Variants in NEDD4 observed in about 807,000 individuals in gnomAD.
The protein encoded by NEDD4 is E3 ubiquitin-protein ligase NEDD4.
A neutral mutation model predicts 144.9 loss-of-function variants in NEDD4; 99 were observed. The ratio of observed to expected loss-of-function variants is 0.68; its 90% CI spans 0.58 to 0.81. The LOEUF is 0.81. NEDD4 is among the 30% of genes least tolerant of loss of function. NEDD4 has a pLI of 0.00. For synonymous variants in NEDD4, 318 were observed against 350.6 expected, an observed-to-expected ratio of 0.91 and a Z score of 1.04; for missense variants, 985 against 1,065.9, an observed-to-expected ratio of 0.92 and a Z score of 1.06.
At chr15:55,885,456 G>A (rs1354427298) in intron 5 of NEDD4, among the ~76,000 whole-genome samples, 1 of 152,002 alleles carries the variant, frequency 6.6e-6, no homozygotes, top group Non-Finnish European at 1.5e-5. Context: ...TAAGTAGAAA[G>A]ACTAAAAGAT....
At chr15:55,981,935 A>G (rs1220534263) in intron 1 of NEDD4, among the ~76,000 whole-genome samples, 1 of 152,206 alleles carries the variant, frequency 6.6e-6, no homozygotes, top group Non-Finnish European at 1.5e-5. Flanking sequence ...AATCAATACT[A>G]TATAATTTCT....
In NEDD4 at chr15:55,968,522, T is replaced by C. The variant is rs532066121; in HGVS notation, c.46-1976A>G. 4.9e-5 allele frequency among the ~76,000 whole-genome samples: 7 copies of C among 144,000 alleles called. No individual in the cohort carries two copies. In the South Asian group the frequency reaches 6.4e-4, roughly 13 times the overall value. The allele number at this position is 144,000 out of a possible 152,430, so 94.5% of individuals were successfully genotyped here. A position where few individuals can be genotyped will look rare whatever the true frequency, so the allele number is the denominator to read the frequency against. On this transcript the variant is annotated intron_variant, in intron 1 of 28. Transcript: ENST00000435532. ...ACAGAAGTATCTAAAATATACATCA[T>C]TGAGACAAATGATAATTATCCAGAA...
chr15:55,941,293 C>T (rs1226868355), intron 4 of NEDD4, among the ~76,000 whole-genome samples: 1 of 152,016 alleles, frequency 6.6e-6, no homozygotes, highest in Non-Finnish European at 1.5e-5. Context: ...AAGCTTAGAT[C>T]ATTGATTTTG....
rs1275981930 is a variant in NEDD4, at chr15:55,882,493, AG to A, written c.292-8486del. Among the ~76,000 whole-genome samples the A allele has an allele frequency of 2.0e-5, 3 of 152,202 alleles. No homozygotes were observed. In the East Asian group the frequency reaches 5.8e-4, roughly 29 times the overall value. On this transcript the variant is annotated intron_variant, in intron 5 of 28. Transcript: ENST00000435532. ...CATTTAGATCAGCCAGAGCCGGTGG[AG>A]AATTGTCCATCCTAGTGGTTGGAGC... is the stretch of plus-strand genomic sequence containing the variant.
At chr15:55,836,980 T>C (rs1008747625) in intron 24 of NEDD4, among the ~76,000 whole-genome samples, 1 of 152,138 alleles carries the variant, frequency 6.6e-6, no homozygotes, top group Non-Finnish European at 1.5e-5. Flanking sequence ...TAACAGAAGA[T>C]TGTAAGTTAG....
chr15:55,986,580 C>CTTGT (rs2037896100), intron 1 of NEDD4, among the ~76,000 whole-genome samples: 1 of 76,420 alleles, frequency 1.3e-5, no homozygotes, highest in Non-Finnish European at 2.2e-5. Context: ...CCTGTCCTTG[C>CTTGT]TTTTTTTTTT....
intron 1 of NEDD4, among the ~76,000 whole-genome samples, chr15:55,986,525 C>A (rs1389373660): frequency 1.3e-5 from 2 of 149,250 alleles, no homozygotes; most frequent in African/African-American, 4.9e-5. Context: ...AAACACTAAA[C>A]AGACCCAAAC....
At position 55,915,210 on chromosome 15, in the gene NEDD4, A is replaced by G. The variant is rs1199852112; in HGVS notation, c.291+9436T>C. On this transcript the variant is annotated intron_variant, in intron 5 of 28. Coordinates refer to ENST00000435532, the MANE Select transcript of NEDD4 (RefSeq NM_006154.4). ...AAATATGTAAAACTGCTTGGTTACAATAAATGTTCTCCAAATATTTCATTA... is the reference window on the plus strand; with the variant it reads ...AAATATGTAAAACTGCTTGGTTACAGTAAATGTTCTCCAAATATTTCATTA... 18 of 1,378,704 alleles carry G rather than the reference A, an allele frequency of 1.3e-5. No homozygotes were observed. In the Admixed American group the frequency reaches 1.5e-4, roughly 11 times the overall value. 85.4% of individuals were successfully genotyped at this position (1,378,704 alleles called of 1,614,324 possible). A position where few individuals can be genotyped will look rare whatever the true frequency, so the allele number is the denominator to read the frequency against.
chr15:55,993,420 C>A, intron 1 of NEDD4, 91 bp downstream of exon 1: 1 of 1,493,520 alleles, frequency 6.7e-7, no homozygotes, highest in Non-Finnish European at 9.1e-7. Flanking sequence ...ACAGCAGAGC[C>A]TCCGGTCGTG....
chr15:55,915,462 A>G, intron 5 of NEDD4: 1 of 1,613,738 alleles, frequency 6.2e-7, no homozygotes, highest in African/African-American at 1.3e-5. Flanking sequence ...TCCCAATGAA[A>G]TACTTCTTCG....
At chr15:55,962,277 T>G (rs1458999558) in intron 2 of NEDD4, among the ~76,000 whole-genome samples, 1 of 152,232 alleles carries the variant, frequency 6.6e-6, no homozygotes, top group African/African-American at 2.4e-5. Flanking sequence ...ATATTTTAAG[T>G]GCATCACGTA....
chr15:55,838,640 C>G, intron 21 of NEDD4, 36 bp from the exon 22 acceptor site: 1 of 1,428,950 alleles, frequency 7.0e-7, no homozygotes, highest in Non-Finnish European at 9.8e-7. Context: ...AAATTTGTAT[C>G]TATAACACAC....
chr15:55,844,771 T>A (rs1456751672), intron 18 of NEDD4, among the ~76,000 whole-genome samples: 1 of 151,944 alleles, frequency 6.6e-6, no homozygotes, highest in African/African-American at 2.4e-5. Context: ...AGGAAAAGGT[T>A]AAAGACAGTG....
At chr15:55,837,746 A>G in intron 24 of NEDD4, 43 bp downstream of exon 24, 1 of 1,450,820 alleles carries the variant, frequency 6.9e-7, no homozygotes, top group Non-Finnish European at 9.7e-7. Flanking sequence ...CTTATAGGTT[A>G]TACTGTGACA....
intron 9 of NEDD4, among the ~76,000 whole-genome samples, chr15:55,861,176 G>C (rs931567055): frequency 6.6e-6 from 1 of 152,144 alleles, no homozygotes; most frequent in Non-Finnish European, 1.5e-5. Flanking sequence ...ACATCTTTGT[G>C]AATCAGATAG....
chr15:55,851,178 G>A (rs892286283), intron 13 of NEDD4, among the ~76,000 whole-genome samples: 1 of 152,092 alleles, frequency 6.6e-6, no homozygotes, highest in Admixed American at 6.5e-5. Context: ...CACAGAAGTA[G>A]ATTCAAATGA....
In NEDD4 at chr15:55,860,483, G is replaced by A. The variant is rs768964537; in HGVS notation, c.884C>T (p.Thr295Ile). ...PPPSSNLDVP[T>I]HLAEELNARL... The stretch of plus-strand genomic sequence containing the variant: ...GGCATTCAATTCTTCTGCAAGATGA[G>A]TTGGAACATCCAAGTTACTTGACGG... Residue 295 changes from threonine to isoleucine, a missense_variant, in exon 11 of 29, where the codon ACT becomes ATT. By Grantham distance (89) the Thr-to-Ile change is moderately conservative. Coordinates refer to ENST00000435532, the MANE Select transcript of NEDD4 (RefSeq NM_006154.4). The A allele has an allele frequency of 6.8e-6, 11 of 1,614,062 alleles. No homozygotes were observed. The highest frequency in any genetic ancestry group is 9.3e-6 in the Non-Finnish European group (11 of 1,180,020).
Position 55,869,629 on chromosome 15 carries a change from T to G in NEDD4, c.457A>C (p.Lys153Gln), listed in dbSNP as rs1186181638. The G allele has an allele frequency of 6.3e-7, 1 of 1,584,686 alleles. No homozygotes were observed. The highest frequency in any genetic ancestry group is 1.2e-5 in the South Asian group (1 of 86,884). ...YLRLKMTYLP[K>Q]TSGSEDDNAE... ...TTATCATCTTCTGAGCCACTGGTTT[T>G]AGGTAAATAAGTCATTTTTAGTCTC... The change falls in exon 8 of 29, where the codon AAA (lysine) becomes CAA (glutamine). Residue 153 changes from lysine (K) to glutamine (Q), a missense_variant. Physicochemically the swap from Lys to Gln is moderately conservative, Grantham distance 53. Coordinates refer to ENST00000435532, the MANE Select transcript of NEDD4 (RefSeq NM_006154.4).
chr15:55,935,736 A>C (rs1241523410), intron 4 of NEDD4, among the ~76,000 whole-genome samples: 1 of 150,216 alleles, frequency 6.7e-6, no homozygotes, highest in Non-Finnish European at 1.5e-5. Flanking sequence ...AGTCCCAGCT[A>C]CTCGGGAGGC....
Sources: gnomAD v4.1 joint callset for allele counts (sites outside exome capture counted in the v4.1 genomes callset) on GRCh38, gnomAD v4.1.1 for gene constraint, MANE v1.5 for transcripts, NCBI Gene and HGNC (gene_info 2026-07-23, HGNC 2026-07-21) for gene names.